CNTNAP5: variants seen among roughly 807,000 people sequenced by gnomAD.
The protein encoded by CNTNAP5 is contactin-associated protein-like 5.
CNTNAP5 carries 72 observed loss-of-function variants against 150.2 expected under a neutral mutation model. The ratio of observed to expected loss-of-function variants is 0.48; its 90% CI spans 0.40 to 0.58. The LOEUF is 0.58. Ranked by LOEUF, CNTNAP5 falls within the 20% of genes least tolerant of loss-of-function variation. CNTNAP5 has a pLI of 0.00. For missense variants in CNTNAP5, 1,636 were observed against 1,626.2 expected (o/e 1.01, Z -0.10); for synonymous variants, 672 against 619.8 (o/e 1.08, Z -1.25).
chr2:124,753,120 C>A (rs1222781491), intron 14 of CNTNAP5, among the ~76,000 whole-genome samples: 1 of 151,988 alleles, frequency 6.6e-6, no homozygotes, highest in Non-Finnish European at 1.5e-5. Context: ...CCTTAGTGTA[C>A]CCTTGTATAA....
chr2:124,455,117 C>G (rs1693090181), intron 6 of CNTNAP5, among the ~76,000 whole-genome samples: 1 of 151,706 alleles, frequency 6.6e-6, no homozygotes, highest in South Asian at 2.1e-4. Context: ...AAATCTGGTT[C>G]TTTGAAAAGA....
intron 12 of CNTNAP5, among the ~76,000 whole-genome samples, chr2:124,614,869 C>T (rs1233887365): frequency 6.6e-6 from 1 of 152,116 alleles, no homozygotes; most frequent in Non-Finnish European, 1.5e-5. Context: ...CCTTATTTTA[C>T]CCAGTCCCTA....
chr2:124,825,058 T>C (rs754386819), intron 19 of CNTNAP5, among the ~76,000 whole-genome samples: 7 of 152,168 alleles, frequency 4.6e-5, no homozygotes, highest in Non-Finnish European at 1.0e-4. Flanking sequence ...AATAAGAGAA[T>C]GGTCAATGAA....
chr2:124,707,176 A>AGAAGAT (rs1553433704), intron 13 of CNTNAP5, among the ~76,000 whole-genome samples: 3 of 121,526 alleles, frequency 2.5e-5, no homozygotes, highest in Non-Finnish European at 5.7e-5. Context: ...AAGAAGAAGA[A>AGAAGAT]GAAGAAGAAG....
intron 21 of CNTNAP5, among the ~76,000 whole-genome samples, chr2:124,871,005 A>C (rs1414035170): frequency 6.6e-6 from 1 of 152,134 alleles, no homozygotes; most frequent in Non-Finnish European, 1.5e-5. Context: ...TAGTTCCCCA[A>C]ATAGCAGTTG....
At chr2:124,243,572 G>T (rs528376437) in intron 3 of CNTNAP5, among the ~76,000 whole-genome samples, 2 of 152,074 alleles carry the variant, frequency 1.3e-5, no homozygotes, top group African/African-American at 4.8e-5. Context: ...TATAAAGGGC[G>T]TAAGTTTTCT....
chr2:124,095,280 C>A (rs536738645), intron 1 of CNTNAP5, among the ~76,000 whole-genome samples: 8 of 152,156 alleles, frequency 5.3e-5, no homozygotes, highest in Non-Finnish European at 7.4e-5. Flanking sequence ...CAGTCATAAG[C>A]GGGAGTTGAA....
At chr2:124,219,197 C>T (rs938765538) in intron 1 of CNTNAP5, among the ~76,000 whole-genome samples, 2 of 151,936 alleles carry the variant, frequency 1.3e-5, no homozygotes, top group Non-Finnish European at 2.9e-5. Flanking sequence ...TGCTACAACA[C>T]AATATATGCA....
intron 3 of CNTNAP5, among the ~76,000 whole-genome samples, chr2:124,371,358 G>T (rs1690521514): frequency 6.6e-6 from 1 of 152,100 alleles, no homozygotes; most frequent in South Asian, 2.1e-4. Context: ...TGTAACAAGG[G>T]ATGGAAATTC....
At chr2:124,027,522 A>G (rs1480510109) in intron 1 of CNTNAP5, among the ~76,000 whole-genome samples, 2 of 152,252 alleles carry the variant, frequency 1.3e-5, no homozygotes, top group Non-Finnish European at 2.9e-5. Context: ...AAGAGCCAAT[A>G]AAACAAATAT....
chr2:124,504,667 G>T, intron 8 of CNTNAP5, 111 bp downstream of exon 8: 39 of 862,562 alleles, frequency 4.5e-5, no homozygotes, highest in Middle Eastern at 3.8e-4. Context: ...GGTTAGCCCA[G>T]TATTCACAAA....
chr2:124,365,355 G>A (rs1400743359), intron 3 of CNTNAP5, among the ~76,000 whole-genome samples: 1 of 151,842 alleles, frequency 6.6e-6, no homozygotes, highest in Non-Finnish European at 1.5e-5. Context: ...GATGTCAATG[G>A]GGAAGAATAC....
At chr2:124,338,583 C>T (rs530358468) in intron 3 of CNTNAP5, among the ~76,000 whole-genome samples, 1 of 152,186 alleles carries the variant, frequency 6.6e-6, no homozygotes, top group South Asian at 2.1e-4. Context: ...GTCTTTTCTC[C>T]TCTCTGGTGG....
At chr2:124,822,580 TTA>T (rs936309401) in intron 19 of CNTNAP5, among the ~76,000 whole-genome samples, 3 of 152,134 alleles carry the variant, frequency 2.0e-5, no homozygotes, top group Non-Finnish European at 4.4e-5. Context: ...CAGAAGTCAT[TTA>T]GTCTTTTCTT....
intron 1 of CNTNAP5, among the ~76,000 whole-genome samples, chr2:124,121,668 C>G (rs1339379811): frequency 1.3e-5 from 2 of 152,124 alleles, no homozygotes; most frequent in Non-Finnish European, 2.9e-5. Flanking sequence ...TATTTTAAGA[C>G]ACGAGACGTA....
intron 1 of CNTNAP5, among the ~76,000 whole-genome samples, chr2:124,203,687 T>C (rs1189288034): frequency 6.6e-6 from 1 of 152,242 alleles, no homozygotes; most frequent in African/African-American, 2.4e-5. Context: ...CTGCCAAGAC[T>C]TGGTGACTGC....
chr2:124,438,686 C>G, intron 5 of CNTNAP5, among the ~76,000 whole-genome samples: 1 of 152,114 alleles, frequency 6.6e-6, no homozygotes, highest in East Asian at 1.9e-4. Flanking sequence ...TTTAATTTAG[C>G]TCTTTTGAAA....
At position 124,096,689 on chromosome 2, in the gene CNTNAP5, T is replaced by TTTA. The variant is rs529881380; in HGVS notation, c.82+70972_82+70974dup. ...GTGGCCCAGAGAAGCCAAATCTTCT[T>TTTA]TTATTATTATTATTATTTATTTATT... On this transcript the variant is annotated intron_variant, in intron 1 of 23. Coordinates refer to ENST00000682447, the MANE Select transcript of CNTNAP5 (RefSeq NM_001367498.1). Among the ~76,000 whole-genome samples the TTTA allele has an allele frequency of 3.7e-3, 567 of 151,868 alleles. 5 individuals carry two copies. The highest frequency in any genetic ancestry group is 0.013 in the African/African-American group (528 of 41,420).
At chr2:124,593,954 A>G (rs1423401387) in intron 11 of CNTNAP5, among the ~76,000 whole-genome samples, 1,063 of 97,006 alleles carry the variant, frequency 0.011, 207 homozygotes, top group Non-Finnish European at 0.016. Context: ...GTTTCTGTTC[A>G]TGTCCTTCGC....
Sources: gnomAD v4.1 joint callset for allele counts (sites outside exome capture counted in the v4.1 genomes callset) on GRCh38, gnomAD v4.1.1 for gene constraint, MANE v1.5 for transcripts, NCBI Gene and HGNC (gene_info 2026-07-23, HGNC 2026-07-21) for gene names.